Variants in DOCK6 observed in about 807,000 individuals in gnomAD.
DOCK6 encodes dedicator of cytokinesis 6.
Under a neutral mutation model 230.3 loss-of-function variants are expected in DOCK6, and 167 were observed. The ratio of observed to expected loss-of-function variants is 0.73; its 90% CI spans 0.64 to 0.82. The LOEUF (loss-of-function observed/expected upper bound fraction) is 0.82, where lower values mean the gene tolerates loss of function less well. Among genes scored for constraint, DOCK6 ranks in the 40% least tolerant of loss-of-function variants. The pLI is 0.00. For missense variants in DOCK6, 2,598 were observed against 2,825.8 expected (o/e 0.92, Z 1.83); for synonymous variants, 1,148 against 1,185.0 (o/e 0.97, Z 0.64).
intron 22 of DOCK6, 53 bp downstream of exon 22, chr19:11,233,150 C>A: frequency 1.3e-6 from 2 of 1,589,608 alleles, no homozygotes; most frequent in Non-Finnish European, 1.7e-6. Flanking sequence ...CGCCCACACA[C>A]GTGGCAACCA....
Position 11,262,451 on chromosome 19 carries a change from T to C in DOCK6, c.-11A>G. 1 of 1,188,276 alleles carries C rather than the reference T, an allele frequency of 8.4e-7. No homozygotes were observed. Among genetic ancestry groups the C allele is most frequent in the Non-Finnish European group, 1.0e-6 (1 of 961,794 alleles). The allele number at this position is 1,188,276 out of a possible 1,614,324, so 73.6% of individuals were successfully genotyped here. On this transcript the variant is annotated 5_prime_UTR_variant, in exon 1 of 48. Coordinates refer to ENST00000294618, the MANE Select transcript of DOCK6 (RefSeq NM_020812.4). ...CTCGGAGGCAGCCATGGTCCTCGCG[T>C]CCCGCCGCCGCCGCCCCGGGCCCCG...
At chr19:11,205,620 G>A (rs1361424745) in intron 39 of DOCK6, among the ~76,000 whole-genome samples, 1 of 152,004 alleles carries the variant, frequency 6.6e-6, no homozygotes, top group African/African-American at 2.4e-5. Flanking sequence ...CGGGATTACA[G>A]GCGTGAGCCA....
In DOCK6 at chr19:11,243,089, A is replaced by C. The variant is rs748418455; in HGVS notation, c.1450T>G (p.Ser484Ala). 13 of 1,613,936 alleles carry C rather than the reference A, an allele frequency of 8.1e-6. No individual in the cohort carries two copies. The Admixed American group carries it at 2.2e-4, about 27-fold the overall frequency. ...KFLADMRRPS[S>A]LLRRLRPVTA... ...ACAGGACGTAGTCGCCGCAGCAGGGACGACGGGCGCCTCATGTCAGCCAGG... is the reference window on the plus strand; with the variant it reads ...ACAGGACGTAGTCGCCGCAGCAGGGCCGACGGGCGCCTCATGTCAGCCAGG... Residue 484 changes from serine (S) to alanine (A), a missense_variant, in exon 13 of 48, where the codon TCC (serine) becomes GCC (alanine). Transcript: ENST00000294618. The surrounding 1 kb of genome is among the most constrained non-coding windows in gnomAD (Gnocchi z 6.3).
Position 11,200,925 on chromosome 19 carries a change from CCT to C in DOCK6, c.5814_5815del (p.Gly1939AlafsTer43). The C allele has an allele frequency of 6.2e-7, 1 of 1,613,876 alleles. No homozygotes were observed. The highest frequency in any genetic ancestry group is 1.1e-5 in the South Asian group (1 of 91,068). On this transcript the variant is annotated frameshift_variant, in exon 45 of 48. Transcript: ENST00000294618. LOFTEE classifies it high-confidence loss of function. The surrounding 1 kb of genome is among the most constrained non-coding windows in gnomAD (Gnocchi z 4.3). ...CAGCCGTGCCTGGTTCACGGTGGGCCCTACAGAGCCCTGAAGCACCATCTGTA... is the reference window on the plus strand; with the variant it reads ...CAGCCGTGCCTGGTTCACGGTGGGCCACAGAGCCCTGAAGCACCATCTGTA...
chr19:11,201,811 G>T lies in DOCK6; in HGVS notation c.5688+78C>A. On this transcript the variant is annotated intron_variant, in intron 44 of 47. Transcript: ENST00000294618. This position sits in a 1 kb window ranked among gnomAD's most constrained non-coding sequence, Gnocchi z 4.3. ...AACCACCTTGGGTCTGGGTCCCTGTGTCTACCCTCCCCTCCCCTCCCAGGG... is the reference window on the plus strand; with the variant it reads ...AACCACCTTGGGTCTGGGTCCCTGTTTCTACCCTCCCCTCCCCTCCCAGGG... 7.5e-7 allele frequency: 1 copy of T among 1,334,860 alleles called. No individual in the cohort carries two copies. The highest frequency in any genetic ancestry group is 1.0e-6 in the Non-Finnish European group (1 of 978,016). 82.7% of individuals were successfully genotyped at this position (1,334,860 alleles called of 1,614,324 possible). A position where few individuals can be genotyped will look rare whatever the true frequency, so the allele number is the denominator to read the frequency against.
rs1230487669 is a variant in DOCK6 at position 11,200,884 on chromosome 19, TG to T, written c.5832+24del. On this transcript the variant is annotated intron_variant, in intron 45 of 47. Coordinates refer to ENST00000294618, the MANE Select transcript of DOCK6 (RefSeq NM_020812.4). The surrounding 1 kb of genome is among the most constrained non-coding windows in gnomAD (Gnocchi z 4.3). ...GGCACCTGGAGTCCCCCGTGCGGCT[TG>T]CATCCCCCTTCCACCAGCCGTGCCT... The T allele has an allele frequency of 6.2e-7, 1 of 1,613,244 alleles. No individual in the cohort carries two copies. The highest frequency in any genetic ancestry group is 1.3e-5 in the African/African-American group (1 of 74,684).
At position 11,214,267 on chromosome 19, in the gene DOCK6, G is replaced by A. The variant is rs2079441749; in HGVS notation, c.4338+8C>T. The A allele has an allele frequency of 6.2e-7, 1 of 1,603,680 alleles. No individual in the cohort carries two copies. The highest frequency in any genetic ancestry group is 1.3e-5 in the African/African-American group (1 of 74,776). ...TTCTAAGAATCATGGTTGTTGAGTG[G>A]TGCTCACCTTGGACACAAGGGCCCT... On this transcript the variant is annotated splice_region_variant and intron_variant, in intron 34 of 47. Coordinates refer to ENST00000294618, the MANE Select transcript of DOCK6 (RefSeq NM_020812.4).
rs1205035098 is a variant in DOCK6, at chr19:11,241,837, G to A, written c.1643+208C>T. ...GAGCACAGAGCAGAGACAGACGCAGGCGGGGACAAAGGCAGAGGATGTAGC... is the reference window on the plus strand; with the variant it reads ...GAGCACAGAGCAGAGACAGACGCAGACGGGGACAAAGGCAGAGGATGTAGC... On this transcript the variant is annotated intron_variant, in intron 14 of 47. Coordinates refer to ENST00000294618, the MANE Select transcript of DOCK6 (RefSeq NM_020812.4). 6 of 1,394,606 alleles carry A rather than the reference G, an allele frequency of 4.3e-6. No individual in the cohort carries two copies. In the East Asian group the frequency reaches 1.5e-4, roughly 35 times the overall value. The allele number at this position is 1,394,606 out of a possible 1,614,324, so 86.4% of individuals were successfully genotyped here.
rs894903533 is a variant in DOCK6, at chr19:11,262,377, G to C, written c.44+20C>G. On this transcript the variant is annotated intron_variant, in intron 1 of 47. Transcript: ENST00000294618. The stretch of plus-strand genomic sequence containing the variant: ...CGGGCCACGTGGGGGAGGTGGGAGG[G>C]GGCCCCGCGGCCACACTACCTGTTG... 3.9e-6 allele frequency: 5 copies of C among 1,273,124 alleles called. No individual in the cohort carries two copies. The allele number at this position is 1,273,124 out of a possible 1,614,324, so 78.9% of individuals were successfully genotyped here.
chr19:11,239,478 AGCCGGACATTC>A, intron 14 of DOCK6: 1 of 908,616 alleles, frequency 1.1e-6, no homozygotes, highest in Admixed American at 2.8e-5. Context: ...GGCGTGGCCT[AGCCGGACATTC>A]GCCTGATGCA....
At chr19:11,214,942 A>ATTT (rs141146699) in intron 32 of DOCK6, among the ~76,000 whole-genome samples, 2 of 127,128 alleles carry the variant, frequency 1.6e-5, no homozygotes, top group South Asian at 2.5e-4. Context: ...TGCCTGGCTA[A>ATTT]TTTTTTTTTT....
Position 11,236,883 on chromosome 19 carries a change from T to C in DOCK6, c.2074-4A>G. 1 of 1,551,504 alleles carries C rather than the reference T, an allele frequency of 6.4e-7. No homozygotes were observed. Among genetic ancestry groups the C allele is most frequent in the African/African-American group, 1.4e-5 (1 of 73,138 alleles). On this transcript the variant is annotated splice_region_variant and splice_polypyrimidine_tract_variant and intron_variant, in intron 18 of 47. Transcript: ENST00000294618. This position sits in a 1 kb window ranked among gnomAD's most constrained non-coding sequence, Gnocchi z 5.2. Reference sequence around the variant, plus strand: ...AGCGCATGCCCGGAAGCGCCACCTGTGGGAGGGAGGCACCAGGTGGGCACT... The same window carrying C: ...AGCGCATGCCCGGAAGCGCCACCTGCGGGAGGGAGGCACCAGGTGGGCACT...
rs1224524375 is a variant in DOCK6 at position 11,233,229 on chromosome 19, C to T, written c.2692G>A (p.Glu898Lys). The T allele has an allele frequency of 7.4e-6, 12 of 1,613,606 alleles. No individual in the cohort carries two copies. The highest frequency in any genetic ancestry group is 4.0e-5 in the African/African-American group (3 of 74,918). ...TTGCTGGCCAGGATGCGGGAAACCT[C>T]GTCATCCACAGAGCCAGGGGCCACG... is the stretch of plus-strand genomic sequence containing the variant. ...LAVAPGSVDD[E>K]VSRILASKLL... Residue 898 changes from glutamate (E) to lysine (K), a missense_variant, in exon 22 of 48, where the codon GAG (glutamate) becomes AAG (lysine). Physicochemically the swap from Glu to Lys is moderately conservative, Grantham distance 56. Coordinates refer to ENST00000294618, the MANE Select transcript of DOCK6 (RefSeq NM_020812.4).
intron 5 of DOCK6, chr19:11,251,521 C>T (rs2080117267): frequency 6.3e-6 from 1 of 159,778 alleles, no homozygotes; most frequent in African/African-American, 2.4e-5. Context: ...CTCTGACCCC[C>T]AACTCTAAGG....
chr19:11,256,150 G>A (rs1190238356), intron 1 of DOCK6, among the ~76,000 whole-genome samples: 1 of 152,158 alleles, frequency 6.6e-6, no homozygotes, highest in Non-Finnish European at 1.5e-5. Context: ...TGAGAAAAGC[G>A]CTTGTGGGGA....
rs370648857 is a variant in DOCK6 at position 11,227,409 on chromosome 19, G to A, written c.2883C>T (p.Pro961=). 172 of 1,613,422 alleles carry A rather than the reference G, an allele frequency of 1.1e-4. 1 individual carries two copies. The African/African-American group carries it at 2.1e-3, about 19-fold the overall frequency. ...RLDTPRKLRF[P]GRFLDDITAL... is the part of the protein sequence containing the mutation. ...CAGTGATGTCGTCCAGGAAGCGTCC[G>A]GGGAAGCGCAGCTTGCGGGGTGTGT... Residue 961 remains proline (P), a synonymous_variant, in exon 24 of 48, where the codon CCC becomes CCT. Transcript: ENST00000294618.
chr19:11,223,683 G>T (rs1231794177), intron 24 of DOCK6, among the ~76,000 whole-genome samples: 5 of 151,910 alleles, frequency 3.3e-5, no homozygotes, highest in Non-Finnish European at 1.5e-5. Context: ...GTCTTGCTCT[G>T]TCACTAAGGC....
chr19:11,256,476 G>A (rs994468519), intron 1 of DOCK6, among the ~76,000 whole-genome samples: 1 of 152,104 alleles, frequency 6.6e-6, no homozygotes, highest in African/African-American at 2.4e-5. Context: ...TGCACGGAGA[G>A]CCGTCAAGCT....
rs2079161694 is a variant in DOCK6 at position 11,201,066 on chromosome 19, GGAGGGGTGT to G, written c.5689-23_5689-15del. 1.2e-6 allele frequency: 2 copies of G among 1,612,776 alleles called. No homozygotes were observed. Among genetic ancestry groups the G allele is most frequent in the Non-Finnish European group, 8.5e-7 (1 of 1,179,648 alleles). On this transcript the variant is annotated splice_polypyrimidine_tract_variant and intron_variant, in intron 44 of 47. Transcript: ENST00000294618. This position sits in a 1 kb window ranked among gnomAD's most constrained non-coding sequence, Gnocchi z 4.3. ...CGTCAGCACCGTCTGTGGGGTAAGG[GGAGGGGTGT>G]GTACTCGCTGGGGCCTGAGGAGGTC...
Sources: allele counts gnomAD v4.1 joint callset (sites outside exome capture counted in the v4.1 genomes callset), GRCh38; gene constraint gnomAD v4.1.1; non-coding constraint Gnocchi (gnomAD v3.1); transcripts MANE v1.5; gene names NCBI Gene and HGNC (gene_info 2026-07-23, HGNC 2026-07-21).